Variants in SLC24A3 observed in about 807,000 individuals in gnomAD.
SLC24A3 encodes the protein solute carrier family 24 member 3, also known as sodium/potassium/calcium exchanger 3.
Under a neutral mutation model 75.8 loss-of-function variants are expected in SLC24A3, and 28 were observed. The ratio of observed to expected loss-of-function variants is 0.37; its 90% confidence interval spans 0.27 to 0.51. The LOEUF (loss-of-function observed/expected upper bound fraction) is 0.51. SLC24A3 is among the 20% of genes least tolerant of loss of function. The pLI is 0.94. For missense variants in SLC24A3, 663 were observed against 847.8 expected, an observed-to-expected ratio of 0.78 and a Z score of 2.71; for synonymous variants, 372 against 334.1, an observed-to-expected ratio of 1.11 and a Z score of -1.24.
At chr20:19,259,686 C>T (rs988741796) in intron 1 of SLC24A3, among the ~76,000 whole-genome samples, 1 of 152,132 alleles carries the variant, frequency 6.6e-6, no homozygotes, top group Non-Finnish European at 1.5e-5. Context: ...TATTAATGTA[C>T]CACTGAGATA....
chr20:19,432,381 G>GA (rs200466542), intron 2 of SLC24A3, among the ~76,000 whole-genome samples: 2,368 of 151,108 alleles, frequency 0.016, 68 homozygotes, highest in African/African-American at 0.055. Context: ...AAGAAGACAA[G>GA]AAAAAATGCC....
At chr20:19,583,136 G>T (rs2122635186) in intron 4 of SLC24A3, among the ~76,000 whole-genome samples, 1 of 152,276 alleles carries the variant, frequency 6.6e-6, no homozygotes, top group African/African-American at 2.4e-5. Context: ...CAGCTCCAGG[G>T]TAATATCCAC....
chr20:19,518,005 C>T (rs1215008271), intron 3 of SLC24A3, among the ~76,000 whole-genome samples: 1 of 152,234 alleles, frequency 6.6e-6, no homozygotes, highest in African/African-American at 2.4e-5. Context: ...CCCCTTCGTA[C>T]TGTGTCCAGC....
chr20:19,714,821 G>T (rs145501750), intron 15 of SLC24A3, among the ~76,000 whole-genome samples: 9 of 152,340 alleles, frequency 5.9e-5, no homozygotes, highest in African/African-American at 2.2e-4. Flanking sequence ...AAAAGCTTTG[G>T]TTTAACAGGA....
chr20:19,546,017 G>A (rs1450602967), intron 3 of SLC24A3, among the ~76,000 whole-genome samples: 2 of 151,636 alleles, frequency 1.3e-5, no homozygotes, highest in Non-Finnish European at 2.9e-5. Context: ...AAATTAGCCG[G>A]GCATGGTGGC....
At chr20:19,449,124 A>T (rs1987437658) in intron 2 of SLC24A3, among the ~76,000 whole-genome samples, 1 of 152,210 alleles carries the variant, frequency 6.6e-6, no homozygotes, top group South Asian at 2.1e-4. Flanking sequence ...GGCAACATCC[A>T]GGGACTCCAT....
At chr20:19,527,631 G>T (rs550891434) in intron 3 of SLC24A3, among the ~76,000 whole-genome samples, 139 of 152,298 alleles carry the variant, frequency 9.1e-4, no homozygotes, top group Admixed American at 5.3e-3. Flanking sequence ...GGCATGCCCT[G>T]TCTCTCTAAG....
At chr20:19,308,900 C>G (rs1189182896) in intron 2 of SLC24A3, among the ~76,000 whole-genome samples, 1 of 152,092 alleles carries the variant, frequency 6.6e-6, no homozygotes, top group African/African-American at 2.4e-5. Flanking sequence ...AAACGCCAGG[C>G]CATTTTGAAA....
chr20:19,253,255 G>A (rs1174013565), intron 1 of SLC24A3, among the ~76,000 whole-genome samples: 3 of 152,192 alleles, frequency 2.0e-5, no homozygotes, highest in Admixed American at 6.5e-5. Flanking sequence ...TTCAACCAGG[G>A]AGTGCAAATG....
At chr20:19,258,965 T>G (rs1264188367) in intron 1 of SLC24A3, among the ~76,000 whole-genome samples, 3 of 152,220 alleles carry the variant, frequency 2.0e-5, no homozygotes, top group Admixed American at 2.0e-4. Flanking sequence ...CACTAGAAGA[T>G]TTCCATTTTA....
chr20:19,276,788 C>G (rs987590850), intron 1 of SLC24A3, among the ~76,000 whole-genome samples: 2 of 151,946 alleles, frequency 1.3e-5, no homozygotes, highest in African/African-American at 4.8e-5. Context: ...ACCTGCAGTC[C>G]TAGATACTGG....
At chr20:19,485,647 CT>C (rs1224790614) in intron 2 of SLC24A3, among the ~76,000 whole-genome samples, 1 of 152,012 alleles carries the variant, frequency 6.6e-6, no homozygotes, top group Non-Finnish European at 1.5e-5. Context: ...CATACATACA[CT>C]TTTTTAGAGT....
At chr20:19,217,242 C>T (rs1046777687) in intron 1 of SLC24A3, among the ~76,000 whole-genome samples, 1 of 152,204 alleles carries the variant, frequency 6.6e-6, no homozygotes. Context: ...AGGAGAAGGG[C>T]ATAGATACCA....
chr20:19,711,032 G>T (rs1031802577), intron 15 of SLC24A3, among the ~76,000 whole-genome samples: 2 of 151,410 alleles, frequency 1.3e-5, no homozygotes, highest in Non-Finnish European at 2.9e-5. Flanking sequence ...GTATGCACAT[G>T]CAGTCTCACT....
At chr20:19,582,658 C>A (rs563267628) in intron 4 of SLC24A3, among the ~76,000 whole-genome samples, 1 of 152,308 alleles carries the variant, frequency 6.6e-6, no homozygotes, top group South Asian at 2.1e-4. Flanking sequence ...ATGACAGCCC[C>A]TAGATTTTGA....
intron 6 of SLC24A3, among the ~76,000 whole-genome samples, chr20:19,632,286 A>C (rs556272352): frequency 6.6e-6 from 1 of 152,222 alleles, no homozygotes; most frequent in African/African-American, 2.4e-5. Context: ...AAACAACCCA[A>C]ATTGACTCTC....
chr20:19,338,569 A>G (rs1985192176), intron 2 of SLC24A3, among the ~76,000 whole-genome samples: 1 of 152,182 alleles, frequency 6.6e-6, no homozygotes, highest in Admixed American at 6.5e-5. Context: ...CCATATGATC[A>G]CAATGCCTGT....
chr20:19,536,039 C>T (rs911457174), intron 3 of SLC24A3, among the ~76,000 whole-genome samples: 3 of 152,112 alleles, frequency 2.0e-5, no homozygotes, highest in East Asian at 1.9e-4. Flanking sequence ...AAGGTCCCAC[C>T]TCTTAATTTG....
chr20:19,323,916 T>C lies in SLC24A3; in HGVS notation c.271+42829T>C, dbSNP rs185418863. On this transcript the variant is annotated intron_variant, in intron 2 of 16. Transcript: ENST00000328041. ...ATTATCATCAGCAGCATCATTAGCATTTCAAAAAAGTCTGCTAAATTAAGA... is the reference window on the plus strand; with the variant it reads ...ATTATCATCAGCAGCATCATTAGCACTTCAAAAAAGTCTGCTAAATTAAGA... 1.2e-4 allele frequency among the ~76,000 whole-genome samples: 19 copies of C among 152,338 alleles called. No individual in the cohort carries two copies. The East Asian group carries it at 3.7e-3, about 29-fold the overall frequency.
Sources: gnomAD v4.1 joint callset for allele counts (sites outside exome capture counted in the v4.1 genomes callset) on GRCh38, gnomAD v4.1.1 for gene constraint, MANE v1.5 for transcripts, NCBI Gene and HGNC (gene_info 2026-07-23, HGNC 2026-07-21) for gene names.